MTTP: variants seen among roughly 807,000 people sequenced by gnomAD.
MTTP encodes the protein microsomal triglyceride transfer protein large subunit.
In MTTP, 49 loss-of-function variants were observed where a neutral mutation model predicts 90.6. The observed-to-expected ratio is 0.54, with a 90% CI of 0.43 to 0.69. The LOEUF (loss-of-function observed/expected upper bound fraction) is 0.69. Among genes scored for constraint, MTTP ranks in the 30% least tolerant of loss-of-function variants. The probability of loss-of-function intolerance (pLI) is 0.00; values close to 1 mark genes in which losing one functional copy is unlikely to be tolerated. For missense variants in MTTP, 945 were observed against 1,067.5 expected, an observed-to-expected ratio of 0.89 and a Z score of 1.60; for synonymous variants, 347 against 384.2, an observed-to-expected ratio of 0.90 and a Z score of 1.13.
At chr4:99,586,559 C>A (rs867426042) in intron 3 of MTTP, among the ~76,000 whole-genome samples, 1 of 152,130 alleles carries the variant, frequency 6.6e-6, no homozygotes, top group Middle Eastern at 3.2e-3. Context: ...CCTTGAAAGT[C>A]CTTCTGAAAT....
upstream of MTTP, among the ~76,000 whole-genome samples, chr4:99,573,180 T>C (rs568873060): frequency 6.6e-6 from 1 of 152,178 alleles, no homozygotes; most frequent in African/African-American, 2.4e-5. Context: ...CAAATGAAAA[T>C]ACATAAGGAC....
intron 7 of MTTP, 46 bp from the exon 8 acceptor site, chr4:99,597,021 T>C (rs747536621): frequency 2.5e-6 from 4 of 1,611,006 alleles, no homozygotes; most frequent in Non-Finnish European, 3.4e-6. Context: ...AATGTGGATG[T>C]TCACAGTTAT....
rs371416896 is a variant in MTTP, at chr4:99,601,627, T to G, written c.1257T>G (p.Ile419Met). ...RALISKFKGSIGSSDIRETVM... is the reference protein window; with the variant it reads ...RALISKFKGSMGSSDIRETVM... The stretch of plus-strand genomic sequence containing the variant: ...AATAGAGTAAGTTCAAAGGTTCTAT[T>G]GGTAGCAGTGACATCAGAGAAACTG... The change falls in exon 10 of 18, where the codon ATT (isoleucine) becomes ATG (methionine). Residue 419 changes from isoleucine to methionine, a missense_variant. Transcript: ENST00000265517. The G allele has an allele frequency of 2.5e-6, 4 of 1,612,468 alleles. No homozygotes were observed. Among genetic ancestry groups the G allele is most frequent in the Non-Finnish European group, 3.4e-6 (4 of 1,178,824 alleles).
Position 99,622,712 on chromosome 4 carries a change from G to A in MTTP, c.2549G>A (p.Gly850Asp). Residue 850 changes from glycine to aspartate, a missense_variant, in exon 18 of 18, where the codon GGC (glycine) becomes GAC (aspartate). Coordinates refer to ENST00000265517, the MANE Select transcript of MTTP (RefSeq NM_001386140.1). ...FEKKYERLST[G>D]RGYVSQKRKE... ...AAAAAGTACGAAAGGCTGTCCACAG[G>A]CAGAGGTTATGTCTCTCAGAAAAGA... 6.2e-7 allele frequency: 1 copy of A among 1,614,034 alleles called. No homozygotes were observed. Among genetic ancestry groups the A allele is most frequent in the South Asian group, 1.1e-5 (1 of 91,078 alleles).
At chr4:99,612,797 C>T in intron 14 of MTTP, 116 bp from the exon 15 acceptor site, 12 of 925,412 alleles carry the variant, frequency 1.3e-5, no homozygotes, top group Non-Finnish European at 1.9e-5. Flanking sequence ...TTAGCTGTTG[C>T]AAATATTTAA....
chr4:99,594,383 A>G (rs1725498981), intron 6 of MTTP, among the ~76,000 whole-genome samples: 1 of 152,210 alleles, frequency 6.6e-6, no homozygotes. Flanking sequence ...TTGGTTAATA[A>G]GTAACACGTG....
intron 14 of MTTP, among the ~76,000 whole-genome samples, chr4:99,611,754 T>A (rs1420547862): frequency 6.6e-6 from 1 of 152,230 alleles, no homozygotes; most frequent in Non-Finnish European, 1.5e-5. Flanking sequence ...ATTTCTTACA[T>A]AAACGTTTAA....
At chr4:99,614,403 T>A (rs553114168) in intron 15 of MTTP, among the ~76,000 whole-genome samples, 1 of 152,186 alleles carries the variant, frequency 6.6e-6, no homozygotes, top group Non-Finnish European at 1.5e-5. Flanking sequence ...CTCCAAAAGC[T>A]CATTATTTGG....
At chr4:99,588,981 A>T (rs371679839) in intron 3 of MTTP, among the ~76,000 whole-genome samples, 32 of 364 alleles carry the variant, frequency 0.088, no homozygotes, top group Admixed American at 0.14. Flanking sequence ...ATATATACAC[A>T]CATATATATA....
rs145444300 is a variant in MTTP at position 99,612,966 on chromosome 4, G to T, written c.2043G>T (p.Glu681Asp). The T allele has an allele frequency of 1.2e-6, 2 of 1,614,060 alleles. No individual in the cohort carries two copies. The highest frequency in any genetic ancestry group is 3.3e-5 in the Admixed American group (2 of 60,016). The part of the protein sequence containing the change: ...LEALIAATPD[E>D]GEENLDSYAG... ...CCTTAATCGCAGCCACCCCTGACGA[G>T]GGGGAGGAGAACCTTGACTCCTATG... The change falls in exon 15 of 18, where the codon GAG (glutamate) becomes GAT (aspartate). Residue 681 changes from glutamate to aspartate, a missense_variant. Transcript: ENST00000265517.
At chr4:99,591,157 A>G (rs1489570279) in intron 4 of MTTP, 78 bp from the exon 5 acceptor site, 45 of 1,089,442 alleles carry the variant, frequency 4.1e-5, no homozygotes, top group Admixed American at 1.2e-4. Context: ...AGAGACCTCA[A>G]TTTTCAAGCC....
At position 99,597,199 on chromosome 4, in the gene MTTP, CTA is replaced by C; in HGVS notation, c.1043_1044del (p.Leu348GlnfsTer5). 1.2e-6 allele frequency: 2 copies of C among 1,613,778 alleles called. No individual in the cohort carries two copies. The highest frequency in any genetic ancestry group is 1.7e-6 in the Non-Finnish European group (2 of 1,179,824). ...GAAGAAAGAAGAGATCCTTCAAATA[CTA>C]AAGATGGAAAATAAGGAAGTATTGT... ...TAKKEEILQI[L>X]KMENKEVLPQ... On this transcript the variant is annotated frameshift_variant, in exon 8 of 18. Transcript: ENST00000265517. LOFTEE classifies it high-confidence loss of function.
chr4:99,610,918 T>G (rs555929106), intron 12 of MTTP, among the ~76,000 whole-genome samples: 1 of 152,284 alleles, frequency 6.6e-6, no homozygotes, highest in African/African-American at 2.4e-5. Context: ...ACCCTTGCCT[T>G]GCTGTCATTT....
intron 1 of MTTP, among the ~76,000 whole-genome samples, chr4:99,566,452 CAAAG>C (rs2110202903): frequency 6.6e-6 from 1 of 152,150 alleles, no homozygotes; most frequent in Admixed American, 6.5e-5. Flanking sequence ...AGGTTGGACT[CAAAG>C]AGATACTACT....
intron 1 of MTTP, among the ~76,000 whole-genome samples, chr4:99,564,692 A>G (rs1724620046): frequency 6.6e-6 from 1 of 152,194 alleles, no homozygotes; most frequent in African/African-American, 2.4e-5. Context: ...TTTCTCCTCT[A>G]CTTCTAATAG....
intron 1 of MTTP, among the ~76,000 whole-genome samples, chr4:99,568,652 T>C (rs916735127): frequency 6.6e-6 from 1 of 151,990 alleles, no homozygotes; most frequent in Non-Finnish European, 1.5e-5. Context: ...GGAGTAAAAA[T>C]GCACAAGATG....
Position 99,619,936 on chromosome 4 carries a change from C to T in MTTP, c.2342+838C>T, listed in dbSNP as rs548031399. 1.4e-4 allele frequency among the ~76,000 whole-genome samples: 22 copies of T among 152,272 alleles called. 1 individual carries two copies. The South Asian group carries it at 4.6e-3, about 32-fold the overall frequency. On this transcript the variant is annotated intron_variant, in intron 16 of 17. Coordinates refer to ENST00000265517, the MANE Select transcript of MTTP (RefSeq NM_001386140.1). ...TCCCACATAATCAGTCATCTTTCACCTCTTTCCAAAGTACTTTCTAGACAG... is the reference window on the plus strand; with the variant it reads ...TCCCACATAATCAGTCATCTTTCACTTCTTTCCAAAGTACTTTCTAGACAG...
At position 99,623,860 on chromosome 4, in the gene MTTP, A is replaced by C. The variant is rs1726307544; in HGVS notation, c.*1012A>C. 6.6e-6 allele frequency: 1 copy of C among 152,238 alleles called. No individual in the cohort carries two copies. The highest frequency in any genetic ancestry group is 2.1e-4 in the South Asian group (1 of 4,834). The allele number at this position is 152,238 out of a possible 1,614,324, so 9.4% of individuals were successfully genotyped here. On this transcript the variant is annotated 3_prime_UTR_variant, in exon 18 of 18. Transcript: ENST00000265517. ...CATTTGCAAATATTTATTAATAAAC[A>C]GATGTGGTGATAAACCCAAAACAAA...
chr4:99,610,070 T>C (rs1486341476), intron 12 of MTTP, among the ~76,000 whole-genome samples: 1 of 151,784 alleles, frequency 6.6e-6, no homozygotes, highest in East Asian at 1.9e-4. Context: ...AACATTAGAG[T>C]GGGGAGGAAC....
Sources: gnomAD v4.1 joint callset for allele counts (sites outside exome capture counted in the v4.1 genomes callset) on GRCh38, gnomAD v4.1.1 for gene constraint, MANE v1.5 for transcripts, NCBI Gene and HGNC (gene_info 2026-07-23, HGNC 2026-07-21) for gene names.